The following DENND4C variants were observed in gnomAD, a reference collection of about 807,000 sequenced individuals.
The protein encoded by DENND4C is DENN domain-containing protein 4C.
Under a neutral mutation model 203.0 loss-of-function variants are expected in DENND4C, and 108 were observed. The observed-to-expected ratio is 0.53, with a 90% CI of 0.46 to 0.62. The LOEUF is 0.62. Ranked by LOEUF, DENND4C falls within the 20% of genes least tolerant of loss-of-function variation. The pLI is 0.00. For missense variants in DENND4C, 2,481 were observed against 2,301.2 expected, an observed-to-expected ratio of 1.08 and a Z score of -1.60; for synonymous variants, 871 against 792.4, an observed-to-expected ratio of 1.10 and a Z score of -1.67.
chr9:19,276,852 G>A lies in DENND4C; in HGVS notation c.305+373G>A, dbSNP rs549757300. Reference sequence around the variant, plus strand: ...TAAGGAGTTGCTTGGGTTATGTAATGAGTTTTTGTGAAGACCTGTACTTGT... The same window carrying A: ...TAAGGAGTTGCTTGGGTTATGTAATAAGTTTTTGTGAAGACCTGTACTTGT... On this transcript the variant is annotated intron_variant, in intron 2 of 32. Coordinates refer to ENST00000434457, the MANE Select transcript of DENND4C (RefSeq NM_001330640.2). Among the ~76,000 whole-genome samples, 7 of 152,252 alleles carry A rather than the reference G, an allele frequency of 4.6e-5. No homozygotes were observed. The South Asian group carries it at 6.2e-4, about 14-fold the overall frequency.
intron 1 of DENND4C, among the ~76,000 whole-genome samples, chr9:19,269,709 C>G (rs1419136420): frequency 6.6e-6 from 1 of 152,130 alleles, no homozygotes; most frequent in Non-Finnish European, 1.5e-5. Context: ...TTGACTTTGT[C>G]TGTCTGAAAG....
At chr9:19,315,775 G>T (rs1314008411) in intron 10 of DENND4C, among the ~76,000 whole-genome samples, 1 of 150,696 alleles carries the variant, frequency 6.6e-6, no homozygotes, top group Non-Finnish European at 1.5e-5. Context: ...GCGCAATCTC[G>T]GCTCACTGCA....
intron 9 of DENND4C, among the ~76,000 whole-genome samples, chr9:19,303,944 C>T (rs534657507): frequency 8.6e-5 from 13 of 150,364 alleles, no homozygotes; most frequent in Admixed American, 4.0e-4. Context: ...AACTACTGGC[C>T]TCAAGCAGTC....
At position 19,346,149 on chromosome 9, in the gene DENND4C, A is replaced by G. The variant is rs141994762; in HGVS notation, c.3380A>G (p.Lys1127Arg). The change falls in exon 23 of 33, where the codon AAG becomes AGG. Residue 1127 changes from lysine (K) to arginine (R), a missense_variant. Transcript: ENST00000434457. ...GCTATCATGATGGGAGCAGATGCCA[A>G]GATTCTCACAGCAGCATTGACATGT... ...EMAIMMGADA[K>R]ILTAALTCPK... is the part of the protein sequence containing the mutation. The G allele has an allele frequency of 9.9e-6, 16 of 1,614,110 alleles. No homozygotes were observed. Among genetic ancestry groups the G allele is most frequent in the African/African-American group, 2.7e-5 (2 of 74,950 alleles).
chr9:19,336,807 G>A lies in DENND4C; in HGVS notation c.2856G>A (p.Glu952=). Residue 952 remains glutamate (E), a synonymous_variant, in exon 20 of 33, where the codon GAG becomes GAA. Coordinates refer to ENST00000434457, the MANE Select transcript of DENND4C (RefSeq NM_001330640.2). The part of the protein sequence containing the change: ...TVFVRDLIRL[E]SIDNHSSTGG... ...TCGTCAGAGATTTAATCAGGCTTGA[G>A]TCCATTGATAATCACTCTAGCACAG... 6.4e-7 allele frequency: 1 copy of A among 1,550,626 alleles called. No homozygotes were observed. The highest frequency in any genetic ancestry group is 8.7e-7 in the Non-Finnish European group (1 of 1,146,960).
chr9:19,243,794 A>G (rs554544426), intron 1 of DENND4C, among the ~76,000 whole-genome samples: 5 of 152,244 alleles, frequency 3.3e-5, no homozygotes, highest in Admixed American at 2.0e-4. Context: ...TAGTGCTGCT[A>G]TGAATATTTA....
intron 12 of DENND4C, among the ~76,000 whole-genome samples, chr9:19,319,421 C>CATAT (rs529304340): frequency 2.2e-5 from 3 of 139,094 alleles, no homozygotes; most frequent in Non-Finnish European, 4.6e-5. Context: ...TATATATATA[C>CATAT]ATATATATAT....
At position 19,346,579 on chromosome 9, in the gene DENND4C, T is replaced by A. The variant is rs1384895698; in HGVS notation, c.3810T>A (p.Asp1270Glu). The A allele has an allele frequency of 1.2e-6, 2 of 1,614,202 alleles. No homozygotes were observed. Among genetic ancestry groups the A allele is most frequent in the African/African-American group, 1.3e-5 (1 of 75,068 alleles). ...GAGGAAAAACTCCTGATTCTGAAGATAAGTTGTTTTCTCCAGTTATTGCAC... is the reference window on the plus strand; with the variant it reads ...GAGGAAAAACTCCTGATTCTGAAGAAAAGTTGTTTTCTCCAGTTATTGCAC... ...CTGGKTPDSE[D>E]KLFSPVIARN... is the part of the protein sequence containing the mutation. Residue 1270 changes from aspartate to glutamate, a missense_variant, in exon 23 of 33, where the codon GAT becomes GAA. By Grantham distance (45) the Asp-to-Glu change is conservative. Transcript: ENST00000434457.
intron 16 of DENND4C, 111 bp from the exon 17 acceptor site, chr9:19,331,867 G>T: frequency 9.9e-7 from 1 of 1,008,630 alleles, no homozygotes; most frequent in Non-Finnish European, 1.4e-6. Flanking sequence ...TGAAGTGCTT[G>T]ATTTTAGGGG....
chr9:19,354,619 A>G (rs1012608129), intron 26 of DENND4C, among the ~76,000 whole-genome samples: 3 of 143,862 alleles, frequency 2.1e-5, no homozygotes, highest in East Asian at 4.1e-4. Context: ...CAATGGCACA[A>G]TCTTGGCCTA....
In DENND4C at chr9:19,328,130, A is replaced by T; in HGVS notation, c.2221A>T (p.Ser741Cys). 1 of 1,613,274 alleles carries T rather than the reference A, an allele frequency of 6.2e-7. No individual in the cohort carries two copies. Among genetic ancestry groups the T allele is most frequent in the Non-Finnish European group, 8.5e-7 (1 of 1,179,684 alleles). ...RHPTGNSITK[S>C]PPLMAKRTKQ... ...CCCTACTGGGAATAGCATTACAAAG[A>T]GTCCACCTCTCATGGCTAAGAGAAC... The change falls in exon 16 of 33, where the codon AGT becomes TGT. Residue 741 changes from serine to cysteine, a missense_variant. Physicochemically the swap from Ser to Cys is moderately radical, Grantham distance 112 (BLOSUM62 -1). Around this residue, in one of 3 missense-constraint regions of DENND4C, gnomAD observed 2,289 missense variants for 2,113.3 expected, o/e 1.08. Transcript: ENST00000434457.
chr9:19,314,706 C>G (rs998590595), intron 10 of DENND4C, among the ~76,000 whole-genome samples: 1 of 151,920 alleles, frequency 6.6e-6, no homozygotes, highest in Non-Finnish European at 1.5e-5. Flanking sequence ...CAAAATAGAA[C>G]CTGATTAAAA....
At position 19,345,926 on chromosome 9, in the gene DENND4C, A is replaced by G. The variant is rs1822795226; in HGVS notation, c.3157A>G (p.Ile1053Val). The G allele has an allele frequency of 6.8e-6, 11 of 1,606,360 alleles. No individual in the cohort carries two copies. Among genetic ancestry groups the G allele is most frequent in the South Asian group, 1.1e-5 (1 of 89,728 alleles). ...TATTTTACTTTCCCTTTTAGGTAGT[A>G]TATCAAATGTGCTGTTTTCTACTCA... ...VNSRKSSTGS[I>V]SNVLFSTQDP... The change falls in exon 23 of 33, where the codon ATA becomes GTA. Residue 1053 changes from isoleucine to valine, a missense_variant. By Grantham distance (29) the Ile-to-Val change is conservative. Around this residue, in one of 3 missense-constraint regions of DENND4C, gnomAD observed 2,289 missense variants for 2,113.3 expected, o/e 1.08. Coordinates refer to ENST00000434457, the MANE Select transcript of DENND4C (RefSeq NM_001330640.2).
intron 26 of DENND4C, 26 bp from the exon 27 acceptor site, chr9:19,356,946 C>CTT (rs1366046897): frequency 6.2e-7 from 1 of 1,601,668 alleles, no homozygotes; most frequent in Non-Finnish European, 8.5e-7. Context: ...TTTAAAGGCT[C>CTT]TTTTTCCCCC....
intron 1 of DENND4C, among the ~76,000 whole-genome samples, chr9:19,240,433 T>C (rs978943659): frequency 1.1e-4 from 17 of 152,256 alleles, no homozygotes; most frequent in Admixed American, 1.1e-3. Flanking sequence ...TCTGGGAGGC[T>C]GAAGTGGGTG....
chr9:19,367,780 T>A (rs563390953), intron 30 of DENND4C, among the ~76,000 whole-genome samples: 3 of 152,316 alleles, frequency 2.0e-5, no homozygotes, highest in South Asian at 2.1e-4. Context: ...AAATAAAGTA[T>A]GGTATATCCA....
intron 10 of DENND4C, among the ~76,000 whole-genome samples, chr9:19,311,674 C>T (rs1051774853): frequency 6.6e-6 from 1 of 152,006 alleles, no homozygotes; most frequent in Non-Finnish European, 1.5e-5. Flanking sequence ...GCACCTCACT[C>T]ATTATAGGAG....
At chr9:19,303,801 G>A (rs1839082055) in intron 9 of DENND4C, among the ~76,000 whole-genome samples, 1 of 152,088 alleles carries the variant, frequency 6.6e-6, no homozygotes, top group South Asian at 2.1e-4. Flanking sequence ...GATTTTTATA[G>A]TAGAAGAAAA....
intron 9 of DENND4C, among the ~76,000 whole-genome samples, chr9:19,302,772 C>A (rs540741821): frequency 1.3e-4 from 20 of 152,334 alleles, no homozygotes; most frequent in Admixed American, 1.2e-3. Context: ...GCCTTACCAT[C>A]CCGGGAGCAT....
Sources: gnomAD v4.1 joint callset for allele counts (sites outside exome capture counted in the v4.1 genomes callset) on GRCh38, gnomAD v4.1.1 for gene constraint, gnomAD v4.1.1 regional missense constraint, MANE v1.5 for transcripts, NCBI Gene and HGNC (gene_info 2026-07-23, HGNC 2026-07-21) for gene names.